The following NDUFV1 variants were observed in gnomAD, a reference collection of about 807,000 sequenced individuals.
NDUFV1 encodes NADH dehydrogenase [ubiquinone] flavoprotein 1, mitochondrial.
A neutral mutation model predicts 48.7 loss-of-function variants in NDUFV1; 41 were observed. The observed-to-expected ratio is 0.84, with a 90% CI of 0.66 to 1.09. The LOEUF (loss-of-function observed/expected upper bound fraction) is 1.09. Ranked by LOEUF, NDUFV1 falls within the 50% of genes least tolerant of loss-of-function variation. NDUFV1 has a pLI of 0.00. For synonymous variants in NDUFV1, 231 were observed against 259.1 expected, an observed-to-expected ratio of 0.89 and a Z score of 1.04; for missense variants, 580 against 645.4, an observed-to-expected ratio of 0.90 and a Z score of 1.10.
At position 67,610,466 on chromosome 11, in the gene NDUFV1, G is replaced by A. The variant is rs568068157; in HGVS notation, c.596G>A (p.Arg199His). ...SGYDFDVFVVRGAGAYICGEE... is the reference protein window; with the variant it reads ...SGYDFDVFVVHGAGAYICGEE... ...TATGATTTTGACGTGTTTGTGGTGC[G>A]CGGGGCTGGGGCCTACATCTGTGGA... Residue 199 changes from arginine to histidine, a missense_variant, in exon 5 of 10, where the codon CGC becomes CAC. By Grantham distance (29) the Arg-to-His change is conservative. Coordinates refer to ENST00000322776, the MANE Select transcript of NDUFV1 (RefSeq NM_007103.4). The A allele has an allele frequency of 5.0e-6, 8 of 1,614,182 alleles. No homozygotes were observed. Among genetic ancestry groups the A allele is most frequent in the Admixed American group, 3.3e-5 (2 of 60,028 alleles).
In NDUFV1 at chr11:67,611,782, A is replaced by G; in HGVS notation, c.1081-115A>G. On this transcript the variant is annotated intron_variant, in intron 7 of 9. Coordinates refer to ENST00000322776, the MANE Select transcript of NDUFV1 (RefSeq NM_007103.4). The surrounding 1 kb of genome is among the most constrained non-coding windows in gnomAD (Gnocchi z 4.2). ...CCCAGGGAGGCTGGAGGAGGCCAGAACGCTGGGTGGGCTGGGAAGAGCTTC... is the reference window on the plus strand; with the variant it reads ...CCCAGGGAGGCTGGAGGAGGCCAGAGCGCTGGGTGGGCTGGGAAGAGCTTC... 1 of 1,464,058 alleles carries G rather than the reference A, an allele frequency of 6.8e-7. No homozygotes were observed. Among genetic ancestry groups the G allele is most frequent in the Non-Finnish European group, 9.4e-7 (1 of 1,059,236 alleles). The allele number at this position is 1,464,058 out of a possible 1,614,324, so 90.7% of individuals were successfully genotyped here. A position where few individuals can be genotyped will look rare whatever the true frequency, so the allele number is the denominator to read the frequency against.
intron 4 of NDUFV1, chr11:67,609,899 C>T: frequency 2.2e-6 from 1 of 456,758 alleles, no homozygotes; most frequent in Non-Finnish European, 3.9e-6. Context: ...GAAGAAAAAA[C>T]CTAAGTGGAA....
At chr11:67,610,018 G>A (rs1854882690) in intron 4 of NDUFV1, 1 of 347,572 alleles carries the variant, frequency 2.9e-6, no homozygotes, top group Non-Finnish European at 5.3e-6. Context: ...TATATCTGTA[G>A]GAAATATAGA....
At position 67,612,461 on chromosome 11, in the gene NDUFV1, C is replaced by T. The variant is rs1486631748; in HGVS notation, c.*3C>T. The T allele has an allele frequency of 3.7e-6, 6 of 1,610,858 alleles. No homozygotes were observed. Among genetic ancestry groups the T allele is most frequent in the Non-Finnish European group, 5.1e-6 (6 of 1,179,496 alleles). ...AGGCCCGGCAGGCTGCCTCTTAGCC[C>T]ACCACCCTGGCCTGCTGTCCTGCGT... On this transcript the variant is annotated 3_prime_UTR_variant, in exon 10 of 10. Transcript: ENST00000322776. The surrounding 1 kb of genome is among the most constrained non-coding windows in gnomAD (Gnocchi z 4.4).
chr11:67,610,729 C>T (rs1854898316), intron 5 of NDUFV1, 159 bp downstream of exon 5: 1 of 1,025,476 alleles, frequency 9.8e-7, no homozygotes, highest in South Asian at 1.4e-5. Flanking sequence ...CCAGGGCCGC[C>T]TGCTGTCCCT....
chr11:67,611,048 C>T lies in NDUFV1; in HGVS notation c.754C>T (p.Pro252Ser), dbSNP rs1064796664. Reference sequence around the variant, plus strand: ...CAACGTGGAGACAGTGGCAGTGTCCCCCACAATCTGCCGCCGTGGAGGTAC... The same window carrying T: ...CAACGTGGAGACAGTGGCAGTGTCCTCCACAATCTGCCGCCGTGGAGGTAC... Reference protein sequence around the residue: ...VANVETVAVSPTICRRGGTWF... With the variant: ...VANVETVAVSSTICRRGGTWF... The change falls in exon 6 of 10, where the codon CCC becomes TCC. Residue 252 changes from proline to serine, a missense_variant. Physicochemically the swap from Pro to Ser is moderately conservative, Grantham distance 74. Transcript: ENST00000322776. The surrounding 1 kb of genome is among the most constrained non-coding windows in gnomAD (Gnocchi z 4.2). 4 of 1,614,144 alleles carry T rather than the reference C, an allele frequency of 2.5e-6. No individual in the cohort carries two copies. Among genetic ancestry groups the T allele is most frequent in the Non-Finnish European group, 2.5e-6 (3 of 1,179,968 alleles).
intron 1 of NDUFV1, among the ~76,000 whole-genome samples, chr11:67,607,889 G>A (rs1368376314): frequency 2.6e-5 from 4 of 152,218 alleles, no homozygotes; most frequent in Non-Finnish European, 2.9e-5. Context: ...GATGAAATGG[G>A]ATTTTGGATG....
At chr11:67,610,771 T>G in intron 5 of NDUFV1, 1 of 802,408 alleles carries the variant, frequency 1.2e-6, no homozygotes, top group Non-Finnish European at 2.0e-6. Flanking sequence ...GCACCAGTGC[T>G]GCTCTGTGGC....
rs1854876433 is a variant in NDUFV1, at chr11:67,609,623, CT to C, written c.499del (p.Ser167ProfsTer15). 1 of 1,604,598 alleles carries C rather than the reference CT, an allele frequency of 6.2e-7. No individual in the cohort carries two copies. The highest frequency in any genetic ancestry group is 1.3e-5 in the African/African-American group (1 of 74,928). On this transcript the variant is annotated frameshift_variant, in exon 4 of 10. Coordinates refer to ENST00000322776, the MANE Select transcript of NDUFV1 (RefSeq NM_007103.4). LOFTEE classifies it high-confidence loss of function. ...TCCGAGGGGAATTCTACAATGAGGC[CT>C]CCAATCTGCAGGTGGGTAGGGAGAG... ...YIRGEFYNEASNLQVAIREAY... is the reference protein window; with the variant it reads ...YIRGEFYNEAXNLQVAIREAY...
At chr11:67,610,824 G>A (rs1274971117) in intron 5 of NDUFV1, 171 bp from the exon 6 acceptor site, 1 of 780,898 alleles carries the variant, frequency 1.3e-6, no homozygotes, top group East Asian at 2.7e-5. Context: ...GGCATGGGGT[G>A]AACAAGGCAA....
intron 1 of NDUFV1, 82 bp from the exon 2 acceptor site, chr11:67,608,314 G>A: frequency 1.5e-6 from 2 of 1,340,194 alleles, no homozygotes; most frequent in East Asian, 2.3e-5. Flanking sequence ...CCTAAATAGG[G>A]AGACCCAAGA....
intron 4 of NDUFV1, chr11:67,610,089 A>G (rs1182023069): frequency 4.5e-6 from 2 of 446,380 alleles, no homozygotes; most frequent in Admixed American, 7.7e-5. Flanking sequence ...TTAATTTTAT[A>G]AGGACTTTTA....
At position 67,610,450 on chromosome 11, in the gene NDUFV1, G is replaced by T. The variant is rs1272712992; in HGVS notation, c.580G>T (p.Asp194Tyr). ...KNACGSGYDF[D>Y]VFVVRGAGAY... The stretch of plus-strand genomic sequence containing the variant: ...TGCTTGTGGCTCTGGCTATGATTTT[G>T]ACGTGTTTGTGGTGCGCGGGGCTGG... Residue 194 changes from aspartate to tyrosine, a missense_variant, in exon 5 of 10, where the codon GAC (aspartate) becomes TAC (tyrosine). Coordinates refer to ENST00000322776, the MANE Select transcript of NDUFV1 (RefSeq NM_007103.4). 5 of 1,614,098 alleles carry T rather than the reference G, an allele frequency of 3.1e-6. No homozygotes were observed. Among genetic ancestry groups the T allele is most frequent in the Non-Finnish European group, 3.4e-6 (4 of 1,180,042 alleles).
At chr11:67,610,247 C>G (rs1854886248) in intron 4 of NDUFV1, 134 bp from the exon 5 acceptor site, 13 of 1,016,088 alleles carry the variant, frequency 1.3e-5, no homozygotes, top group Non-Finnish European at 2.0e-5. Flanking sequence ...TTTTACTAAG[C>G]TAGCAAAATT....
chr11:67,606,966 G>T lies in NDUFV1; in HGVS notation c.-39G>T. ...GCCAGTTCCTCAGCCTCAGTGCTAT[G>T]AAGGTGACAGCGTGAGGTGACCCAT... On this transcript the variant is annotated 5_prime_UTR_variant, in exon 1 of 10. It removes an upstream start codon present in the reference 5' UTR. Transcript: ENST00000322776. 6.3e-7 allele frequency: 1 copy of T among 1,597,348 alleles called. No individual in the cohort carries two copies. Among genetic ancestry groups the T allele is most frequent in the Non-Finnish European group, 8.5e-7 (1 of 1,172,440 alleles).
chr11:67,611,233 T>C lies in NDUFV1; in HGVS notation c.913+26T>C, dbSNP rs200046740. On this transcript the variant is annotated intron_variant, in intron 6 of 9. Transcript: ENST00000322776. The surrounding 1 kb of genome is among the most constrained non-coding windows in gnomAD (Gnocchi z 4.2). ...GTAAGGCCTGGGGCCAGCCAGGTGG[T>C]GGGGGGGTGCGCAGTGGGGGCAGGT... 86 of 1,530,614 alleles carry C rather than the reference T, an allele frequency of 5.6e-5. No individual in the cohort carries two copies. The African/African-American group carries it at 1.1e-3, about 20-fold the overall frequency. The allele number at this position is 1,530,614 out of a possible 1,614,324, so 94.8% of individuals were successfully genotyped here.
Position 67,611,472 on chromosome 11 carries a change from C to T in NDUFV1, c.983C>T (p.Pro328Leu). 5.6e-6 allele frequency: 9 copies of T among 1,614,102 alleles called. No individual in the cohort carries two copies. Among genetic ancestry groups the T allele is most frequent in the Non-Finnish European group, 6.8e-6 (8 of 1,180,006 alleles). The change falls in exon 7 of 10, where the codon CCC (proline) becomes CTC (leucine). Residue 328 changes from proline to leucine, a missense_variant. Pro to Leu is a moderately conservative substitution (Grantham distance 98, BLOSUM62 -3). Coordinates refer to ENST00000322776, the MANE Select transcript of NDUFV1 (RefSeq NM_007103.4). The surrounding 1 kb of genome is among the most constrained non-coding windows in gnomAD (Gnocchi z 4.2). Reference protein sequence around the residue: ...IPGGSSTPLIPKSVCETVLMD... With the variant: ...IPGGSSTPLILKSVCETVLMD... ...GGCGGCTCGTCTACCCCACTGATCC[C>T]CAAGTCTGTGTGTGAGACGGTGCTG...
chr11:67,610,771 T>TG, intron 5 of NDUFV1: 1 of 802,412 alleles, frequency 1.2e-6, no homozygotes, highest in Non-Finnish European at 2.0e-6. Context: ...GCACCAGTGC[T>TG]GCTCTGTGGC....
At position 67,607,030 on chromosome 11, in the gene NDUFV1, G is replaced by A. The variant is rs764156798; in HGVS notation, c.26G>A (p.Gly9Asp). MLATRRLL[G>D]WSLPARVSVR... ...ATGCTGGCAACACGGCGGCTGCTCG[G>A]CTGGTCGCTTCCCGCGCGGGTATCT... The change falls in exon 1 of 10, where the codon GGC (glycine) becomes GAC (aspartate). Residue 9 changes from glycine to aspartate, a missense_variant. By Grantham distance (94) the Gly-to-Asp change is moderately conservative (BLOSUM62 -1). Transcript: ENST00000322776. 2 of 1,609,684 alleles carry A rather than the reference G, an allele frequency of 1.2e-6. No individual in the cohort carries two copies. Among genetic ancestry groups the A allele is most frequent in the Non-Finnish European group, 1.7e-6 (2 of 1,179,156 alleles).
Sources: gnomAD v4.1 joint callset for allele counts (sites outside exome capture counted in the v4.1 genomes callset) on GRCh38, gnomAD v4.1.1 for gene constraint, Gnocchi (gnomAD v3.1) non-coding constraint, MANE v1.5 for transcripts, NCBI Gene and HGNC (gene_info 2026-07-23, HGNC 2026-07-21) for gene names.